TASP1: variants seen among roughly 807,000 people sequenced by gnomAD.
TASP1 encodes the protein taspase 1.
TASP1 carries 16 observed loss-of-function variants against 56.6 expected under a neutral mutation model. The observed-to-expected ratio is 0.28, with a 90% CI of 0.19 to 0.43. The LOEUF (loss-of-function observed/expected upper bound fraction) is 0.43, where lower values mean the gene tolerates loss of function less well. TASP1 is among the 20% of genes least tolerant of loss of function. TASP1 has a pLI of 1.00. For synonymous variants in TASP1, 179 were observed against 184.2 expected (o/e 0.97, Z 0.23); for missense variants, 393 against 511.6 (o/e 0.77, Z 2.24).
intron 12 of TASP1, among the ~76,000 whole-genome samples, chr20:13,426,784 C>G (rs1489229436): frequency 1.3e-5 from 2 of 152,130 alleles, no homozygotes; most frequent in African/African-American, 4.8e-5. Context: ...CCATCTGATC[C>G]TTAAATAAGA....
At chr20:13,570,699 A>C (rs540854444) in intron 6 of TASP1, among the ~76,000 whole-genome samples, 1 of 152,048 alleles carries the variant, frequency 6.6e-6, no homozygotes, top group Non-Finnish European at 1.5e-5. Context: ...TCAAAATTCT[A>C]CTTTAAAAAA....
rs543473996 is a variant in TASP1, at chr20:13,413,375, A to AT, written c.1170+4072dup. On this transcript the variant is annotated intron_variant, in intron 13 of 13. Coordinates refer to ENST00000337743, the MANE Select transcript of TASP1 (RefSeq NM_017714.3). ...TCACAAATAAATATTTGTTGAGTAAATTTTTTTTTTTAAGAAAAGCTGAGT... is the reference window on the plus strand; with the variant it reads ...TCACAAATAAATATTTGTTGAGTAAATTTTTTTTTTTTAAGAAAAGCTGAGT... Among the ~76,000 whole-genome samples the AT allele has an allele frequency of 1.4e-3, 211 of 148,896 alleles. 1 individual carries two copies. Among genetic ancestry groups the AT allele is most frequent in the Middle Eastern group, 3.5e-3 (1 of 286 alleles).
At chr20:13,284,354 T>G in the TASP1 span, among the ~76,000 whole-genome samples, 3 of 152,230 alleles carry the variant, frequency 2.0e-5, no homozygotes, top group Admixed American at 6.5e-5. Context: ...CTCAGCCCAC[T>G]GCACTCGGGA....
intron 13 of TASP1, chr20:13,392,853 C>A: frequency 1.5e-6 from 1 of 668,576 alleles, no homozygotes; most frequent in Non-Finnish European, 2.7e-6. Flanking sequence ...ATGGCACCAT[C>A]AAGGCTGAGA....
chr20:13,213,013 T>G, the TASP1 span, among the ~76,000 whole-genome samples: 1 of 152,208 alleles, frequency 6.6e-6, no homozygotes, highest in African/African-American at 2.4e-5. Flanking sequence ...AAAGCTATTT[T>G]AAGTGGAGAC....
rs117064227 is a variant in TASP1 at position 13,563,208 on chromosome 20, A to G, written c.569-4094T>C. 3.3e-3 allele frequency among the ~76,000 whole-genome samples: 496 copies of G among 151,912 alleles called. 2 individuals carry two copies. The highest frequency in any genetic ancestry group is 0.012 in the East Asian group (60 of 5,134). ...GCCTAAATGAAATTAACAAAGTCCA[A>G]TAACACAAAACCTACAAGACTGCAT... On this transcript the variant is annotated intron_variant, in intron 7 of 13. Coordinates refer to ENST00000337743, the MANE Select transcript of TASP1 (RefSeq NM_017714.3).
chr20:13,460,461 G>T (rs866932483), intron 11 of TASP1, among the ~76,000 whole-genome samples: 1 of 151,976 alleles, frequency 6.6e-6, no homozygotes, highest in South Asian at 2.1e-4. Flanking sequence ...AATATCATCT[G>T]CACACCATTG....
At chr20:13,409,422 T>C (rs977342320) in intron 13 of TASP1, among the ~76,000 whole-genome samples, 1 of 152,064 alleles carries the variant, frequency 6.6e-6, no homozygotes, top group Non-Finnish European at 1.5e-5. Context: ...ACTAGGCACA[T>C]ATACATTTAG....
chr20:13,219,507 G>A, the TASP1 span, among the ~76,000 whole-genome samples: 1 of 150,994 alleles, frequency 6.6e-6, no homozygotes, highest in Non-Finnish European at 1.5e-5. Flanking sequence ...CCTAGAGATA[G>A]AAATAAGATG....
intron 11 of TASP1, among the ~76,000 whole-genome samples, chr20:13,461,615 C>T (rs1193083585): frequency 3.3e-5 from 5 of 152,098 alleles, no homozygotes; most frequent in African/African-American, 1.2e-4. Flanking sequence ...CTCAACTCTG[C>T]CATTGTAGCA....
In TASP1 at chr20:13,598,062, G is replaced by T. The variant is rs148215432; in HGVS notation, c.283-10692C>A. On this transcript the variant is annotated intron_variant, in intron 4 of 13. Transcript: ENST00000337743. ...ACAAACAAATGGAAGAACAGTCCAT[G>T]CTCATGGGTAGGAAGAATCAATGTC... 1.1e-3 allele frequency among the ~76,000 whole-genome samples: 172 copies of T among 152,332 alleles called. 2 individuals are homozygous for T. In the East Asian group the frequency reaches 0.024, roughly 21 times the overall value.
At chr20:13,153,015 G>T in the TASP1 span, among the ~76,000 whole-genome samples, 1 of 152,194 alleles carries the variant, frequency 6.6e-6, no homozygotes, top group Non-Finnish European at 1.5e-5. Context: ...ATGGAGGTCT[G>T]CTAAAGACAA....
At chr20:13,482,047 T>C (rs1369592676) in intron 11 of TASP1, among the ~76,000 whole-genome samples, 3 of 152,140 alleles carry the variant, frequency 2.0e-5, no homozygotes, top group African/African-American at 4.8e-5. Flanking sequence ...GTTTCATAGA[T>C]TGGGGTCTTA....
chr20:13,357,055 A>C, the TASP1 span, among the ~76,000 whole-genome samples: 1 of 152,220 alleles, frequency 6.6e-6, no homozygotes, highest in Non-Finnish European at 1.5e-5. Context: ...CTGTGAGCCA[A>C]GGGATATAAG....
chr20:13,572,219 T>A (rs746199442), intron 6 of TASP1, among the ~76,000 whole-genome samples: 1 of 152,146 alleles, frequency 6.6e-6, no homozygotes, highest in Non-Finnish European at 1.5e-5. Context: ...ATACTAAACA[T>A]TAAATAAAAA....
At chr20:13,342,509 A>C in the TASP1 span, among the ~76,000 whole-genome samples, 1 of 152,226 alleles carries the variant, frequency 6.6e-6, no homozygotes, top group Non-Finnish European at 1.5e-5. Context: ...CTTGGTCTTC[A>C]GTCTTAGGTG....
chr20:13,295,811 A>T, the TASP1 span, among the ~76,000 whole-genome samples: 1 of 152,214 alleles, frequency 6.6e-6, no homozygotes, highest in East Asian at 1.9e-4. Flanking sequence ...ACGCTCAGTC[A>T]TTGGCTGAGA....
chr20:13,348,475 T>C, the TASP1 span, among the ~76,000 whole-genome samples: 1 of 152,192 alleles, frequency 6.6e-6, no homozygotes, highest in African/African-American at 2.4e-5. Context: ...TTGGATTTGA[T>C]AGAGTCTACT....
At chr20:13,356,520 G>T in the TASP1 span, among the ~76,000 whole-genome samples, 1 of 152,184 alleles carries the variant, frequency 6.6e-6, no homozygotes, top group Admixed American at 6.5e-5. Flanking sequence ...TAACTTGAAT[G>T]TTGGCCCCAA....
Sources: gnomAD v4.1 joint callset for allele counts (sites outside exome capture counted in the v4.1 genomes callset) on GRCh38, gnomAD v4.1.1 for gene constraint, MANE v1.5 for transcripts, NCBI Gene and HGNC (gene_info 2026-07-23, HGNC 2026-07-21) for gene names.